The following RBFOX3 variants were observed in gnomAD, a reference collection of about 807,000 sequenced individuals.
RBFOX3 encodes the protein RNA binding fox-1 homolog 3, also known as RNA binding protein fox-1 homolog 3.
In RBFOX3, 17 loss-of-function variants were observed where a neutral mutation model predicts 48.7. That is an observed-to-expected ratio of 0.35 (90% CI 0.24 to 0.52). RBFOX3 has a LOEUF of 0.52. Ranked by LOEUF, RBFOX3 falls within the 20% of genes least tolerant of loss-of-function variation. RBFOX3 has a pLI of 0.94. For missense variants in RBFOX3, 382 were observed against 497.5 expected (o/e 0.77, Z 2.21); for synonymous variants, 212 against 209.5 (o/e 1.01, Z -0.10).
In RBFOX3 at chr17:79,240,335, G is replaced by C. The variant is rs535480998; in HGVS notation, c.-73-4530C>G. Among the ~76,000 whole-genome samples, 497 of 152,294 alleles carry C rather than the reference G, an allele frequency of 3.3e-3. 6 individuals are homozygous for C. Among genetic ancestry groups the C allele is most frequent in the African/African-American group, 0.011 (459 of 41,560 alleles). On this transcript the variant is annotated intron_variant, in intron 3 of 14. Transcript: ENST00000693108. ...CAAAATCAGACCACTCCCACTCATT[G>C]GTGGCCCTTCAGCTTAGCTGTCACA...
At chr17:79,526,302 C>T (rs974274989) in intron 1 of RBFOX3, among the ~76,000 whole-genome samples, 2 of 152,200 alleles carry the variant, frequency 1.3e-5, no homozygotes, top group Non-Finnish European at 2.9e-5. Context: ...AGGCAGCCCC[C>T]ACATGATCAT....
At chr17:79,324,856 G>A (rs1404448229) in intron 2 of RBFOX3, among the ~76,000 whole-genome samples, 2 of 152,260 alleles carry the variant, frequency 1.3e-5, no homozygotes, top group Admixed American at 6.5e-5. Context: ...AGAGAAGCAG[G>A]AAGAGGGCTG....
At position 79,090,610 on chromosome 17, in the gene RBFOX3, A is replaced by G. The variant is rs547440169; in HGVS notation, c.*273T>C. On this transcript the variant is annotated 3_prime_UTR_variant, in exon 15 of 15. Transcript: ENST00000693108. ...CCCTCCAACTCCCCCACTGCCTGAG[A>G]CGGAGGGGCGTGTTCCCACTGTGCT... is the stretch of plus-strand genomic sequence containing the variant. 22 of 460,938 alleles carry G rather than the reference A, an allele frequency of 4.8e-5. No individual in the cohort carries two copies. The South Asian group carries it at 5.7e-4, about 12-fold the overall frequency. The allele number at this position is 460,938 out of a possible 1,614,324, so 28.6% of individuals were successfully genotyped here. A position where few individuals can be genotyped will look rare whatever the true frequency, so the allele number is the denominator to read the frequency against.
intron 1 of RBFOX3, among the ~76,000 whole-genome samples, chr17:79,530,518 C>T (rs1307138835): frequency 1.1e-4 from 16 of 152,126 alleles, no homozygotes; most frequent in African/African-American, 2.4e-4. Context: ...ACTTTGAGGC[C>T]GTGATGGAAT....
At chr17:79,310,843 A>C (rs2076752552) in intron 2 of RBFOX3, among the ~76,000 whole-genome samples, 1 of 152,066 alleles carries the variant, frequency 6.6e-6, no homozygotes, top group Admixed American at 6.5e-5. Flanking sequence ...AGGCCCATCC[A>C]TTGAACCCTG....
At position 79,471,285 on chromosome 17, in the gene RBFOX3, C is replaced by T. The variant is rs1555756777; in HGVS notation, c.-175+11169G>A. Among the ~76,000 whole-genome samples the T allele has an allele frequency of 6.6e-6, 1 of 152,008 alleles. No individual in the cohort carries two copies. Among genetic ancestry groups the T allele is most frequent in the East Asian group, 1.9e-4 (1 of 5,172 alleles). Reference sequence around the variant, plus strand: ...TACGTGACCAGCACTGGCCAGGGTGCGACGCTTGGGGTATTCGCAGGGAAA... The same window carrying T: ...TACGTGACCAGCACTGGCCAGGGTGTGACGCTTGGGGTATTCGCAGGGAAA... On this transcript the variant is annotated intron_variant, in intron 2 of 14. Coordinates refer to ENST00000693108, the MANE Select transcript of RBFOX3 (RefSeq NM_001350451.2). The surrounding 1 kb of genome is among the most constrained non-coding windows in gnomAD (Gnocchi z 4.0).
chr17:79,378,900 C>T (rs989875038), intron 2 of RBFOX3, among the ~76,000 whole-genome samples: 1 of 152,186 alleles, frequency 6.6e-6, no homozygotes, highest in Non-Finnish European at 1.5e-5. Flanking sequence ...GTCTGGTCAC[C>T]GGCACCTGCT....
Position 79,481,169 on chromosome 17 carries a change from A to G in RBFOX3, c.-175+1285T>C, listed in dbSNP as rs1057311961. 6.6e-6 allele frequency among the ~76,000 whole-genome samples: 1 copy of G among 152,132 alleles called. No homozygotes were observed. Among genetic ancestry groups the G allele is most frequent in the Non-Finnish European group, 1.5e-5 (1 of 68,026 alleles). ...AAGAGCATCTTTTGATGGGTATTGG[A>G]GAGACCAGCCTGTGTCCGGGCCTCT... On this transcript the variant is annotated intron_variant, in intron 2 of 14. Transcript: ENST00000693108. This position sits in a 1 kb window ranked among gnomAD's most constrained non-coding sequence, Gnocchi z 5.4.
chr17:79,495,056 G>T (rs1490209254), intron 1 of RBFOX3, among the ~76,000 whole-genome samples: 1 of 152,054 alleles, frequency 6.6e-6, no homozygotes, highest in Non-Finnish European at 1.5e-5. Context: ...CACAGTTCAG[G>T]TTCATCCCCA....
At chr17:79,115,145 G>C (rs1383896556) in intron 5 of RBFOX3, among the ~76,000 whole-genome samples, 2 of 152,226 alleles carry the variant, frequency 1.3e-5, no homozygotes, top group Non-Finnish European at 2.9e-5. Context: ...CTGGCAGCGA[G>C]GACACCTCCC....
At chr17:79,306,475 T>C (rs2076118556) in intron 3 of RBFOX3, among the ~76,000 whole-genome samples, 1 of 152,146 alleles carries the variant, frequency 6.6e-6, no homozygotes, top group African/African-American at 2.4e-5. Flanking sequence ...GGAGCGCCCC[T>C]CCCCTCCCTG....
intron 1 of RBFOX3, among the ~76,000 whole-genome samples, chr17:79,580,656 T>A (rs1319740337): frequency 6.6e-6 from 1 of 152,164 alleles, no homozygotes; most frequent in Non-Finnish European, 1.5e-5. Context: ...TTTTTGCTCA[T>A]GCTATGTTCC....
At chr17:79,635,759 A>C in the RBFOX3 span, among the ~76,000 whole-genome samples, 45 of 152,240 alleles carry the variant, frequency 3.0e-4, no homozygotes. Context: ...AAGCATGAAC[A>C]ACGAGTGGGA....
At chr17:79,618,766 G>T in the RBFOX3 span, among the ~76,000 whole-genome samples, 1 of 152,190 alleles carries the variant, frequency 6.6e-6, no homozygotes, top group Non-Finnish European at 1.5e-5. Flanking sequence ...GTTTACAATT[G>T]TGTAGGCAAA....
At chr17:79,581,257 CAAAACAAACAAA>C (rs1476722222) in intron 1 of RBFOX3, among the ~76,000 whole-genome samples, 113 of 152,102 alleles carry the variant, frequency 7.4e-4, no homozygotes, top group African/African-American at 2.5e-3. Context: ...CAAAACAAAA[CAAAACAAACAAA>C]AAAACAAACA....
intron 5 of RBFOX3, among the ~76,000 whole-genome samples, chr17:79,110,014 A>G (rs2030303419): frequency 6.6e-6 from 1 of 151,944 alleles, no homozygotes; most frequent in Non-Finnish European, 1.5e-5. Flanking sequence ...AAGCCCTCGC[A>G]TGACTGCACA....
chr17:79,146,624 G>A (rs2043090633), intron 4 of RBFOX3, among the ~76,000 whole-genome samples: 1 of 152,234 alleles, frequency 6.6e-6, no homozygotes. Context: ...CCTCACTGGG[G>A]AGCAGCTGAG....
the RBFOX3 span, among the ~76,000 whole-genome samples, chr17:79,652,584 G>GGAAAGGAA: frequency 9.3e-4 from 1 of 1,078 alleles, no homozygotes; most frequent in African/African-American, 1.2e-3. Context: ...AAGGAGAGGA[G>GGAAAGGAA]AGGAGAGGAG....
intron 4 of RBFOX3, among the ~76,000 whole-genome samples, chr17:79,211,600 C>T (rs1320523664): frequency 2.0e-5 from 3 of 152,172 alleles, no homozygotes; most frequent in Admixed American, 6.5e-5. Flanking sequence ...TCATCCCCTG[C>T]GGATGCCTCC....
Sources: gnomAD v4.1 joint callset for allele counts (sites outside exome capture counted in the v4.1 genomes callset) on GRCh38, gnomAD v4.1.1 for gene constraint, Gnocchi (gnomAD v3.1) non-coding constraint, MANE v1.5 for transcripts, NCBI Gene and HGNC (gene_info 2026-07-23, HGNC 2026-07-21) for gene names.